Variants in HHLA1 observed in about 807,000 individuals in gnomAD.
HHLA1 encodes the protein HERV-H LTR-associating protein 1.
HHLA1 carries 72 observed loss-of-function variants against 69.9 expected under a neutral mutation model. That is an observed-to-expected ratio of 1.03 (90% CI 0.85 to 1.25). HHLA1 has a LOEUF of 1.25. Ranked by LOEUF, HHLA1 falls within the 50% of genes most tolerant of loss-of-function variation. The probability of loss-of-function intolerance (pLI) is 0.00; values close to 1 mark genes in which losing one functional copy is unlikely to be tolerated. For synonymous variants in HHLA1, 252 were observed against 233.2 expected (o/e 1.08, Z -0.73); for missense variants, 685 against 642.2 (o/e 1.07, Z -0.72).
rs576149052 is a variant in HHLA1, at chr8:132,087,294, G to A, written c.676+359C>T. 2.3e-4 allele frequency among the ~76,000 whole-genome samples: 35 copies of A among 152,196 alleles called. No homozygotes were observed. The South Asian group carries it at 7.1e-3, about 31-fold the overall frequency. ...CAGAGTGGCCAGGTCTCCAGCATGG[G>A]GTCACAAATTCAAATATCTACAAAA... On this transcript the variant is annotated intron_variant, in intron 10 of 16. Coordinates refer to ENST00000414222, the MANE Select transcript of HHLA1 (RefSeq NM_001145095.3).
intron 14 of HHLA1, among the ~76,000 whole-genome samples, chr8:132,074,446 T>C (rs1336674092): frequency 6.6e-6 from 1 of 152,140 alleles, no homozygotes; most frequent in East Asian, 1.9e-4. Flanking sequence ...TATGTAGAAC[T>C]CACCATAATT....
intron 10 of HHLA1, among the ~76,000 whole-genome samples, chr8:132,087,372 C>A (rs1823880193): frequency 6.6e-6 from 1 of 151,968 alleles, no homozygotes; most frequent in African/African-American, 2.4e-5. Flanking sequence ...GCAGACAGGA[C>A]TATGGAAAAG....
intron 13 of HHLA1, 23 bp downstream of exon 13, chr8:132,076,452 C>T: frequency 6.7e-7 from 1 of 1,484,202 alleles, no homozygotes; most frequent in Non-Finnish European, 9.2e-7. Context: ...CCCAAACCCC[C>T]ACTTCCGTAC....
chr8:132,071,404 G>A lies in HHLA1; in HGVS notation c.1405C>T (p.Leu469=). The A allele has an allele frequency of 6.4e-7, 1 of 1,551,690 alleles. No individual in the cohort carries two copies. Among genetic ancestry groups the A allele is most frequent in the Non-Finnish European group, 8.7e-7 (1 of 1,146,936 alleles). ...IQRLNPCLME[L]CQFFQQCLCM... is the part of the protein sequence containing the mutation. ...AGGCATTGCTGGAAGAATTGGCACAGCTCCATCAGGCATGGGTTGAGCCTC... is the reference window on the plus strand; with the variant it reads ...AGGCATTGCTGGAAGAATTGGCACAACTCCATCAGGCATGGGTTGAGCCTC... Residue 469 remains leucine (L), a synonymous_variant, in exon 15 of 17, where the codon CTG becomes TTG. Coordinates refer to ENST00000414222, the MANE Select transcript of HHLA1 (RefSeq NM_001145095.3).
intron 13 of HHLA1, 97 bp downstream of exon 13, chr8:132,076,378 C>T: frequency 3.5e-6 from 3 of 858,142 alleles, no homozygotes; most frequent in Non-Finnish European, 5.5e-6. Flanking sequence ...GCTTAGATTG[C>T]TTACTGGTAC....
chr8:132,087,885 T>G lies in HHLA1; in HGVS notation c.549A>C (p.Glu183Asp). 1 of 1,551,442 alleles carries G rather than the reference T, an allele frequency of 6.4e-7. No homozygotes were observed. Residue 183 changes from glutamate to aspartate, a missense_variant, in exon 9 of 17, where the codon GAA becomes GAC. By Grantham distance (45) the Glu-to-Asp change is conservative. Transcript: ENST00000414222. Reference protein sequence around the residue: ...TSILSVNQSNESDCIFICVMT... With the variant: ...TSILSVNQSNDSDCIFICVMT... ...TCACACAGATGAAGATGCAATCTGATTCATTGCTTTGATTCACTGTAAGAC... is the reference window on the plus strand; with the variant it reads ...TCACACAGATGAAGATGCAATCTGAGTCATTGCTTTGATTCACTGTAAGAC...
intron 14 of HHLA1, 108 bp from the exon 15 acceptor site, chr8:132,071,601 G>A: frequency 1.0e-6 from 1 of 990,680 alleles, no homozygotes; most frequent in Non-Finnish European, 1.5e-6. Context: ...ATCTCACGTA[G>A]CTCTGAGACA....
In HHLA1 at chr8:132,094,236, T is replaced by C. The variant is rs145751405; in HGVS notation, c.448+1283A>G. ...GGGGAAAAGTACAAGAGGCTTTGGT[T>C]GCCTTTAGTGCTTGCTTCCCTTACA... is the stretch of plus-strand genomic sequence containing the variant. On this transcript the variant is annotated intron_variant, in intron 7 of 16. Transcript: ENST00000414222. Among the ~76,000 whole-genome samples the C allele has an allele frequency of 1.2e-3, 185 of 152,326 alleles. 2 individuals carry two copies. In the East Asian group the frequency reaches 0.033, roughly 27 times the overall value.
Position 132,079,706 on chromosome 8 carries a change from A to C in HHLA1, c.925+12T>G. 1 of 1,537,758 alleles carries C rather than the reference A, an allele frequency of 6.5e-7. No individual in the cohort carries two copies. Among genetic ancestry groups the C allele is most frequent in the Non-Finnish European group, 8.8e-7 (1 of 1,140,796 alleles). On this transcript the variant is annotated intron_variant, in intron 11 of 16. Transcript: ENST00000414222. ...ATAGCAAAGGGGAGGAAAGGGTGAG[A>C]ATGCATCTTACCCAAGGCTGGGAGA...
chr8:132,096,136 G>A (rs1294382324), intron 5 of HHLA1, among the ~76,000 whole-genome samples: 1 of 152,176 alleles, frequency 6.6e-6, no homozygotes, highest in South Asian at 2.1e-4. Flanking sequence ...AGTTCTGGGG[G>A]CTAGAAGTCT....
In HHLA1 at chr8:132,075,344, C is replaced by T. The variant is rs115273497; in HGVS notation, c.1315+711G>A. On this transcript the variant is annotated intron_variant, in intron 14 of 16. Coordinates refer to ENST00000414222, the MANE Select transcript of HHLA1 (RefSeq NM_001145095.3). ...AGAATTCAAGCAGCTTTGAAGCACT[C>T]ACTTTGTATCCATTTCTTTCTTATG... is the stretch of plus-strand genomic sequence containing the variant. 3.7e-3 allele frequency among the ~76,000 whole-genome samples: 570 copies of T among 152,274 alleles called. 4 individuals carry two copies. The highest frequency in any genetic ancestry group is 0.013 in the African/African-American group (547 of 41,554).
intron 5 of HHLA1, among the ~76,000 whole-genome samples, chr8:132,097,143 C>T (rs957423139): frequency 6.6e-6 from 1 of 152,162 alleles, no homozygotes; most frequent in South Asian, 2.1e-4. Context: ...GGGAACCAGA[C>T]TCTGTATTTA....
rs558334465 is a variant in HHLA1 at position 132,070,263 on chromosome 8, T to C, written c.1469+1077A>G. 48 of 698,140 alleles carry C rather than the reference T, an allele frequency of 6.9e-5. No homozygotes were observed. The African/African-American group carries it at 7.2e-4, about 10-fold the overall frequency. The allele number at this position is 698,140 out of a possible 1,614,324, so 43.2% of individuals were successfully genotyped here. ...CAGAAGAAATAACAGTATGTCAGCA[T>C]TGTAGGACAGAAAATGTCCATGTCT... On this transcript the variant is annotated intron_variant, in intron 15 of 16. Transcript: ENST00000414222.
chr8:132,085,351 A>C (rs1378815824), intron 10 of HHLA1: 1 of 247,976 alleles, frequency 4.0e-6, no homozygotes, highest in African/African-American at 2.4e-5. Context: ...AAGGAGAAAG[A>C]GGTTGAGGGA....
rs372820713 is a variant in HHLA1 at position 132,100,077 on chromosome 8, G to A, written c.197C>T (p.Thr66Met). The change falls in exon 4 of 17, where the codon ACG becomes ATG. Residue 66 changes from threonine (T) to methionine (M), a missense_variant and splice_region_variant. By Grantham distance (81) the Thr-to-Met change is moderately conservative. Coordinates refer to ENST00000414222, the MANE Select transcript of HHLA1 (RefSeq NM_001145095.3). ...KEKGVAFLATTELPARSIDLS... is the reference protein window; with the variant it reads ...KEKGVAFLATMELPARSIDLS... ...GGATTTGGGGGAGCGGCACTCACCC[G>A]TCGTAGCAAGAAATGCCACCCCCTT... is the stretch of plus-strand genomic sequence containing the variant. 2.4e-5 allele frequency: 37 copies of A among 1,551,134 alleles called. No individual in the cohort carries two copies. The highest frequency in any genetic ancestry group is 9.8e-5 in the Admixed American group (5 of 50,996).
At chr8:132,078,574 C>T (rs1279343641) in intron 11 of HHLA1, among the ~76,000 whole-genome samples, 1 of 152,142 alleles carries the variant, frequency 6.6e-6, no homozygotes, top group Non-Finnish European at 1.5e-5. Context: ...CCTGCTGACA[C>T]CTATCAATTC....
chr8:132,067,442 G>A (rs940706598), intron 15 of HHLA1, among the ~76,000 whole-genome samples: 1 of 152,158 alleles, frequency 6.6e-6, no homozygotes, highest in Non-Finnish European at 1.5e-5. Flanking sequence ...ACACATCCAG[G>A]ATGCTTTTTG....
intron 14 of HHLA1, among the ~76,000 whole-genome samples, chr8:132,073,959 G>C (rs1344902954): frequency 6.6e-6 from 1 of 151,768 alleles, no homozygotes; most frequent in Non-Finnish European, 1.5e-5. Flanking sequence ...AGCTTCTCCT[G>C]TTCCTCCCCA....
chr8:132,065,061 A>C (rs1360458881), intron 16 of HHLA1, among the ~76,000 whole-genome samples: 1 of 152,186 alleles, frequency 6.6e-6, no homozygotes, highest in Admixed American at 6.5e-5. Flanking sequence ...GAGGTAGTTC[A>C]GGTAGATGGC....
Sources: allele counts gnomAD v4.1 joint callset (sites outside exome capture counted in the v4.1 genomes callset), GRCh38; gene constraint gnomAD v4.1.1; transcripts MANE v1.5; gene names NCBI Gene and HGNC (gene_info 2026-07-23, HGNC 2026-07-21).